The following PCDHA12 variants were observed in gnomAD, a reference collection of about 807,000 sequenced individuals.
PCDHA12 encodes protocadherin alpha-12.
Under a neutral mutation model 60.0 loss-of-function variants are expected in PCDHA12, and 44 were observed. The ratio of observed to expected loss-of-function variants is 0.73; its 90% CI spans 0.58 to 0.94. The LOEUF (loss-of-function observed/expected upper bound fraction) is 0.94, where lower values mean the gene tolerates loss of function less well. Among genes scored for constraint, PCDHA12 ranks in the 40% least tolerant of loss-of-function variants. PCDHA12 has a pLI of 0.00. For missense variants in PCDHA12, 1,276 were observed against 1,239.7 expected, an observed-to-expected ratio of 1.03 and a Z score of -0.44; for synonymous variants, 569 against 553.0, an observed-to-expected ratio of 1.03 and a Z score of -0.40.
chr5:140,884,818 T>C (rs1298208791), intron 1 of PCDHA12: 1 of 1,050,614 alleles, frequency 9.5e-7, no homozygotes, highest in Non-Finnish European at 1.3e-6. Context: ...CTGTGGACAT[T>C]ATGTGTTGGA....
At chr5:140,961,113 C>T (rs2095591220) in intron 1 of PCDHA12, among the ~76,000 whole-genome samples, 1 of 152,190 alleles carries the variant, frequency 6.6e-6, no homozygotes, top group Non-Finnish European at 1.5e-5. Context: ...AACCCCCTTG[C>T]ATCTTAATGT....
At chr5:141,005,824 G>T (rs1380044629) in intron 3 of PCDHA12, among the ~76,000 whole-genome samples, 2 of 151,660 alleles carry the variant, frequency 1.3e-5, no homozygotes, top group African/African-American at 4.8e-5. Flanking sequence ...ATGGTGGCCT[G>T]TAGTCCCAGC....
intron 1 of PCDHA12, among the ~76,000 whole-genome samples, chr5:140,946,691 G>C (rs782114019): frequency 6.8e-6 from 1 of 147,578 alleles, no homozygotes; most frequent in Non-Finnish European, 1.5e-5. Flanking sequence ...TGACAATATG[G>C]ATGAATCTGG....
chr5:140,970,881 C>T (rs1316692542), intron 1 of PCDHA12, among the ~76,000 whole-genome samples: 1 of 152,050 alleles, frequency 6.6e-6, no homozygotes, highest in Non-Finnish European at 1.5e-5. Flanking sequence ...GTAGATTTTT[C>T]TCATGGACAT....
chr5:140,943,998 G>C (rs2093593066), intron 1 of PCDHA12, among the ~76,000 whole-genome samples: 1 of 152,178 alleles, frequency 6.6e-6, no homozygotes, highest in Non-Finnish European at 1.5e-5. Context: ...CAGAACTACT[G>C]AGTACCCCCC....
chr5:140,966,732 G>T (rs2153748727), intron 1 of PCDHA12: 1 of 1,415,600 alleles, frequency 7.1e-7, no homozygotes, highest in African/African-American at 1.5e-5. Context: ...GCCGCCTCCG[G>T]CCCTGCCCGG....
intron 2 of PCDHA12, 37 bp from the exon 3 acceptor site, chr5:140,982,438 T>G: frequency 3.8e-5 from 61 of 1,608,838 alleles, no homozygotes; most frequent in Non-Finnish European, 4.8e-5. Context: ...AAAGAATTTA[T>G]GATCTAACCG....
chr5:140,988,526 G>C (rs1330767394), intron 3 of PCDHA12, among the ~76,000 whole-genome samples: 2 of 152,088 alleles, frequency 1.3e-5, no homozygotes, highest in Admixed American at 1.3e-4. Flanking sequence ...GTCTCTGCTG[G>C]CTCCATCCAT....
At chr5:140,942,527 AACTC>A (rs1420689882) in intron 1 of PCDHA12, among the ~76,000 whole-genome samples, 2 of 152,162 alleles carry the variant, frequency 1.3e-5, no homozygotes, top group Non-Finnish European at 2.9e-5. Flanking sequence ...GGAAGCAACT[AACTC>A]AGTATGGTGG....
At chr5:140,927,301 C>A in intron 1 of PCDHA12, 3 of 1,614,204 alleles carry the variant, frequency 1.9e-6, no homozygotes, top group Non-Finnish European at 2.5e-6. Context: ...CCCCGAGTTC[C>A]TGACGCCCGG....
intron 1 of PCDHA12, among the ~76,000 whole-genome samples, chr5:140,915,626 G>GTCTCTC (rs57920489): frequency 0.011 from 1,557 of 146,506 alleles, 25 homozygotes; most frequent in African/African-American, 0.018. Flanking sequence ...GTCTCTTTCT[G>GTCTCTC]TCTCTCTCTC....
intron 1 of PCDHA12, chr5:140,966,789 C>G (rs782194817): frequency 6.5e-7 from 1 of 1,528,572 alleles, no homozygotes; most frequent in East Asian, 2.4e-5. Context: ...GGCACCAGAC[C>G]TGCGGCGACA....
chr5:140,883,551 G>T, intron 1 of PCDHA12: 4 of 1,614,234 alleles, frequency 2.5e-6, no homozygotes, highest in Non-Finnish European at 3.4e-6. Flanking sequence ...GTGACCGCGC[G>T]GGACGGGGGC....
At chr5:140,906,982 G>A (rs1298159889) in intron 1 of PCDHA12, among the ~76,000 whole-genome samples, 3 of 152,140 alleles carry the variant, frequency 2.0e-5, no homozygotes, top group African/African-American at 7.2e-5. Flanking sequence ...TCTTCTGGTG[G>A]CAGCATTCCT....
intron 1 of PCDHA12, chr5:140,884,108 G>A (rs782424793): frequency 3.1e-6 from 5 of 1,613,286 alleles, no homozygotes; most frequent in Admixed American, 3.3e-5. Context: ...ATTGCAGCTG[G>A]CGGCGGTCGG....
intron 1 of PCDHA12, among the ~76,000 whole-genome samples, chr5:140,881,178 G>A (rs924852150): frequency 2.0e-5 from 3 of 152,098 alleles, no homozygotes; most frequent in African/African-American, 7.2e-5. Flanking sequence ...TCTTTTCCTT[G>A]CTAAAGATAT....
chr5:140,888,271 T>A (rs1466153758), intron 1 of PCDHA12, among the ~76,000 whole-genome samples: 2 of 152,068 alleles, frequency 1.3e-5, no homozygotes, highest in African/African-American at 4.8e-5. Context: ...TAAGAAACAG[T>A]TTTGTCCCCT....
chr5:140,878,016 G>A, intron 1 of PCDHA12, 177 bp downstream of exon 1: 2 of 818,388 alleles, frequency 2.4e-6, no homozygotes, highest in Admixed American at 3.6e-5. Context: ...CATTAATGAA[G>A]GAAATATGTA....
Position 140,883,665 on chromosome 5 carries a change from A to G in PCDHA12, c.2367+5826A>G, listed in dbSNP as rs782383703. 3.7e-6 allele frequency: 6 copies of G among 1,613,494 alleles called. No individual in the cohort carries two copies. The African/African-American group carries it at 8.0e-5, about 22-fold the overall frequency. On this transcript the variant is annotated intron_variant, in intron 1 of 3. Transcript: ENST00000398631. ...CCCGAGTACACGGTGTTCGTGAAGG[A>G]AAACAATCCGCCGGGCTGCCACATC...
Sources: gnomAD v4.1 joint callset for allele counts (sites outside exome capture counted in the v4.1 genomes callset) on GRCh38, gnomAD v4.1.1 for gene constraint, MANE v1.5 for transcripts, NCBI Gene and HGNC (gene_info 2026-07-23, HGNC 2026-07-21) for gene names.